The following PIK3CB variants were observed in gnomAD, a reference collection of about 807,000 sequenced individuals.
The protein encoded by PIK3CB is phosphatidylinositol-4,5-bisphosphate 3-kinase catalytic subunit beta, also known as phosphatidylinositol 4,5-bisphosphate 3-kinase catalytic subunit beta isoform.
Under a neutral mutation model 136.8 loss-of-function variants are expected in PIK3CB, and 39 were observed. The observed-to-expected ratio is 0.29, with a 90% CI of 0.22 to 0.37. The LOEUF (loss-of-function observed/expected upper bound fraction) is 0.37. PIK3CB is among the 10% of genes least tolerant of loss of function. The pLI is 1.00. For missense variants in PIK3CB, 868 were observed against 1,275.4 expected (o/e 0.68, Z 4.87); for synonymous variants, 428 against 436.6 (o/e 0.98, Z 0.25).
At chr3:138,773,867 CAG>C (rs2045827920) in intron 2 of PIK3CB, among the ~76,000 whole-genome samples, 1 of 152,188 alleles carries the variant, frequency 6.6e-6, no homozygotes, top group Non-Finnish European at 1.5e-5. Flanking sequence ...TTCAAGTGAA[CAG>C]TATTTGGGAC....
chr3:138,815,157 AAAAAAAT>A (rs1226014147), intron 1 of PIK3CB, among the ~76,000 whole-genome samples: 2 of 118,236 alleles, frequency 1.7e-5, no homozygotes, highest in South Asian at 2.5e-4. Context: ...AAAAAAAAAA[AAAAAAAT>A]ATATATATAT....
chr3:138,834,650 C>T (rs932380026), intron 1 of PIK3CB, 45 bp downstream of exon 1: 2 of 153,824 alleles, frequency 1.3e-5, no homozygotes, highest in South Asian at 2.0e-4. Context: ...GCGACCCAGC[C>T]GCCCCTCAGC....
chr3:138,705,155 C>CAAAAAAAAAAAAAAAAAGAAAAAA (rs2044337741), intron 11 of PIK3CB, among the ~76,000 whole-genome samples: 1 of 29,870 alleles, frequency 3.3e-5, no homozygotes, highest in African/African-American at 1.5e-4. Flanking sequence ...ATTAGAAAGG[C>CAAAAAAAAAAAAAAAAAGAAAAAA]AAAAAAAAAA....
At chr3:138,657,602 A>G in intron 22 of PIK3CB, 88 bp downstream of exon 22, 3 of 1,184,314 alleles carry the variant, frequency 2.5e-6, no homozygotes, top group East Asian at 4.9e-5. Context: ...CCCAGATCCA[A>G]ATATATCTCA....
intron 1 of PIK3CB, among the ~76,000 whole-genome samples, chr3:138,815,158 A>AT (rs1370443720): frequency 6.0e-5 from 6 of 99,950 alleles, no homozygotes; most frequent in Non-Finnish European, 9.0e-5. Context: ...AAAAAAAAAA[A>AT]AAAAATATAT....
intron 5 of PIK3CB, among the ~76,000 whole-genome samples, chr3:138,738,852 CATA>C (rs1318342174): frequency 6.6e-6 from 1 of 152,176 alleles, no homozygotes; most frequent in Non-Finnish European, 1.5e-5. Flanking sequence ...ACATCAATTC[CATA>C]ATATTTTCCA....
chr3:138,683,494 T>C (rs2043821719), intron 18 of PIK3CB, among the ~76,000 whole-genome samples, 184 bp downstream of exon 18: 1 of 152,030 alleles, frequency 6.6e-6, no homozygotes, highest in East Asian at 1.9e-4. Flanking sequence ...GTATAAATCA[T>C]TTTATAAGAG....
At chr3:138,717,162 G>A (rs1253133900) in intron 8 of PIK3CB, among the ~76,000 whole-genome samples, 1 of 149,678 alleles carries the variant, frequency 6.7e-6, no homozygotes, top group Non-Finnish European at 1.5e-5. Flanking sequence ...GCTGAGACAG[G>A]AGAATTGCTT....
chr3:138,759,666 C>T (rs2045634601), intron 2 of PIK3CB, among the ~76,000 whole-genome samples: 1 of 151,490 alleles, frequency 6.6e-6, no homozygotes, highest in Admixed American at 6.6e-5. Context: ...TACATATGTA[C>T]ACACACACAC....
intron 1 of PIK3CB, among the ~76,000 whole-genome samples, chr3:138,799,493 C>T (rs1349939513): frequency 6.6e-6 from 1 of 152,024 alleles, no homozygotes; most frequent in Non-Finnish European, 1.5e-5. Context: ...CCAGAATGTA[C>T]CTTGTACAGC....
chr3:138,790,838 C>T (rs998298012), intron 2 of PIK3CB, among the ~76,000 whole-genome samples: 1 of 146,474 alleles, frequency 6.8e-6, no homozygotes, highest in Non-Finnish European at 1.5e-5. Flanking sequence ...AAGAAAAAAC[C>T]CTGAGTCCCA....
rs751821336 is a variant in PIK3CB at position 138,694,867 on chromosome 3, C to CG, written c.1810dup (p.Arg604ProfsTer29). Reference sequence around the variant, plus strand: ...GAAATCCAGAAGCTCTAGGGCCTCCCGGGGGGGCAGTTTAGGCCAAATCTG... The same window carrying CG: ...GAAATCCAGAAGCTCTAGGGCCTCCCGGGGGGGGCAGTTTAGGCCAAATCTG... On this transcript the variant is annotated frameshift_variant, in exon 14 of 24. Coordinates refer to ENST00000674063, the MANE Select transcript of PIK3CB (RefSeq NM_006219.3). LOFTEE classifies it high-confidence loss of function. 9.3e-6 allele frequency: 15 copies of CG among 1,610,742 alleles called. No homozygotes were observed. The highest frequency in any genetic ancestry group is 1.7e-5 in the Admixed American group (1 of 59,652).
At chr3:138,779,384 CCTT>C (rs1251777899) in intron 2 of PIK3CB, among the ~76,000 whole-genome samples, 3 of 120,286 alleles carry the variant, frequency 2.5e-5, no homozygotes, top group African/African-American at 6.1e-5. Context: ...CCACGCCCGG[CCTT>C]CTTTTTTTTT....
intron 5 of PIK3CB, among the ~76,000 whole-genome samples, chr3:138,740,484 C>T (rs1260696994): frequency 6.6e-6 from 1 of 152,180 alleles, no homozygotes; most frequent in African/African-American, 2.4e-5. Flanking sequence ...CAGTGTCACA[C>T]ACATCAAAGA....
intron 2 of PIK3CB, among the ~76,000 whole-genome samples, chr3:138,773,983 ACAAAGACTACCAAAGAC>A (rs1559873090): frequency 6.6e-6 from 1 of 152,222 alleles, no homozygotes; most frequent in African/African-American, 2.4e-5. Flanking sequence ...AATTAATAGG[ACAAAGACTACCAAAGAC>A]CAATATCTAC....
intron 2 of PIK3CB, among the ~76,000 whole-genome samples, chr3:138,762,501 T>C (rs2045676218): frequency 6.6e-6 from 1 of 152,156 alleles, no homozygotes; most frequent in African/African-American, 2.4e-5. Flanking sequence ...CGAACAAAAC[T>C]ACACAGTCAC....
chr3:138,658,448 TCAA>T (rs369703636), intron 21 of PIK3CB, among the ~76,000 whole-genome samples: 12 of 151,954 alleles, frequency 7.9e-5, no homozygotes, highest in South Asian at 2.1e-4. Flanking sequence ...AGACCCTGTC[TCAA>T]CAACAACAAC....
chr3:138,825,163 T>G, intron 1 of PIK3CB: 1 of 290,116 alleles, frequency 3.4e-6, no homozygotes, highest in Non-Finnish European at 6.5e-6. Flanking sequence ...GGTATCACCA[T>G]TGGTATCTCC....
At chr3:138,690,472 G>C (rs932286943) in intron 15 of PIK3CB, among the ~76,000 whole-genome samples, 2 of 151,636 alleles carry the variant, frequency 1.3e-5, no homozygotes, top group African/African-American at 4.8e-5. Flanking sequence ...ATATGAACTT[G>C]GTGAAGTAAG....
Sources: allele counts gnomAD v4.1 joint callset (sites outside exome capture counted in the v4.1 genomes callset), GRCh38; gene constraint gnomAD v4.1.1; transcripts MANE v1.5; gene names NCBI Gene and HGNC (gene_info 2026-07-23, HGNC 2026-07-21).